CRACR2A: variants seen among roughly 807,000 people sequenced by gnomAD.
CRACR2A encodes the protein EF-hand calcium-binding domain-containing protein 4B.
In CRACR2A, 79 loss-of-function variants were observed where a neutral mutation model predicts 90.5. The ratio of observed to expected loss-of-function variants is 0.87; its 90% confidence interval spans 0.73 to 1.05. The LOEUF (loss-of-function observed/expected upper bound fraction) is 1.05. CRACR2A is among the 50% of genes least tolerant of loss of function. The probability of loss-of-function intolerance (pLI) is 0.00; values close to 1 mark genes in which losing one functional copy is unlikely to be tolerated. For missense variants in CRACR2A, 823 were observed against 897.2 expected (o/e 0.92, Z 1.06); for synonymous variants, 338 against 356.7 (o/e 0.95, Z 0.59).
intron 7 of CRACR2A, among the ~76,000 whole-genome samples, chr12:3,659,861 C>T (rs1944996175): frequency 6.6e-6 from 1 of 152,190 alleles, no homozygotes; most frequent in South Asian, 2.1e-4. Context: ...GCGAGACCTG[C>T]CCCTGCAACT....
rs765176107 is a variant in CRACR2A, at chr12:3,734,500, C to T, written c.-386-1290G>A. ...TCTAGGTATATGTCCGAAGGAAACACGATCAGTAGCTCAAAGTCATCTCCG... is the reference window on the plus strand; with the variant it reads ...TCTAGGTATATGTCCGAAGGAAACATGATCAGTAGCTCAAAGTCATCTCCG... On this transcript the variant is annotated intron_variant, in intron 1 of 19. Coordinates refer to ENST00000440314, the MANE Select transcript of CRACR2A (RefSeq NM_001144958.2). 3.9e-5 allele frequency among the ~76,000 whole-genome samples: 6 copies of T among 152,144 alleles called. No individual in the cohort carries two copies. The East Asian group carries it at 5.8e-4, about 15-fold the overall frequency.
chr12:3,696,731 T>C (rs1565493061), intron 4 of CRACR2A, 41 bp downstream of exon 4: 1 of 1,612,892 alleles, frequency 6.2e-7, no homozygotes, highest in Non-Finnish European at 8.5e-7. Flanking sequence ...GGAAGACATC[T>C]GGCATTCTCA....
At chr12:3,662,761 C>G (rs769553489) in intron 7 of CRACR2A, among the ~76,000 whole-genome samples, 7 of 152,228 alleles carry the variant, frequency 4.6e-5, no homozygotes, top group Non-Finnish European at 8.8e-5. Context: ...GAGCCTGTGT[C>G]TGCAGGAGCC....
intron 4 of CRACR2A, among the ~76,000 whole-genome samples, chr12:3,689,803 A>G (rs753185504): frequency 2.7e-5 from 4 of 146,202 alleles, no homozygotes; most frequent in African/African-American, 5.1e-5. Flanking sequence ...TTGGTAGGCT[A>G]TTTATTACTG....
chr12:3,696,780 C>A lies in CRACR2A; in HGVS notation c.220G>T (p.Asp74Tyr), dbSNP rs1347389538. Residue 74 changes from aspartate to tyrosine, a missense_variant, in exon 4 of 20, where the codon GAT becomes TAT. Asp to Tyr is a radical substitution (Grantham distance 160, BLOSUM62 -3). Transcript: ENST00000440314. ...CCTGGGACCCCACTTACCTGCATAT[C>A]CTTCCTGGCGATGAAGCCCTTGCCT... ...AEGKGFIARK[D>Y]MQRLHKELPL... 1.9e-6 allele frequency: 3 copies of A among 1,614,076 alleles called. No individual in the cohort carries two copies. Among genetic ancestry groups the A allele is most frequent in the Non-Finnish European group, 2.5e-6 (3 of 1,180,054 alleles).
chr12:3,743,493 G>A lies in CRACR2A; in HGVS notation c.-387+9522C>T, dbSNP rs530774771. Among the ~76,000 whole-genome samples, 115 of 152,284 alleles carry A rather than the reference G, an allele frequency of 7.6e-4. 2 individuals are homozygous for A. In the South Asian group the frequency reaches 0.018, roughly 24 times the overall value. On this transcript the variant is annotated intron_variant, in intron 1 of 19. Transcript: ENST00000440314. ...AGCAGACCCTGCAACCCAAGGGGTCGGCCCTTTGTAGGAAGCCAGTCAGGC... is the reference window on the plus strand; with the variant it reads ...AGCAGACCCTGCAACCCAAGGGGTCAGCCCTTTGTAGGAAGCCAGTCAGGC...
intron 8 of CRACR2A, among the ~76,000 whole-genome samples, chr12:3,657,435 G>C (rs1210021007): frequency 2.0e-5 from 3 of 152,222 alleles, no homozygotes; most frequent in Admixed American, 2.0e-4. Flanking sequence ...AGCAGCAGCA[G>C]CGCGGTGGGG....
chr12:3,709,181 T>G (rs1184741409), intron 3 of CRACR2A, among the ~76,000 whole-genome samples: 4 of 152,208 alleles, frequency 2.6e-5, no homozygotes, highest in African/African-American at 9.6e-5. Flanking sequence ...CAAACAACTC[T>G]CAGAGCGGTC....
At chr12:3,620,500 C>A (rs998480571) in intron 17 of CRACR2A, among the ~76,000 whole-genome samples, 12 of 152,160 alleles carry the variant, frequency 7.9e-5, no homozygotes, top group Non-Finnish European at 1.5e-4. Context: ...TGAAATTAAG[C>A]CTCAATGTTT....
chr12:3,623,556 A>C (rs1368836610), intron 17 of CRACR2A, among the ~76,000 whole-genome samples: 1 of 152,178 alleles, frequency 6.6e-6, no homozygotes. Flanking sequence ...AGTTTGTCCC[A>C]TGGCCACACG....
At chr12:3,668,865 A>G (rs967737685) in intron 7 of CRACR2A, among the ~76,000 whole-genome samples, 2 of 152,198 alleles carry the variant, frequency 1.3e-5, no homozygotes, top group African/African-American at 4.8e-5. Context: ...AAAGTGCCTG[A>G]GGTCTGATTC....
At chr12:3,615,528 G>T in intron 19 of CRACR2A, 89 bp from the exon 20 acceptor site, 1 of 1,130,254 alleles carries the variant, frequency 8.8e-7, no homozygotes, top group South Asian at 1.5e-5. Context: ...CAGGTTACAG[G>T]TCATCTGGGC....
intron 17 of CRACR2A, among the ~76,000 whole-genome samples, chr12:3,627,088 C>T (rs933284191): frequency 1.3e-5 from 2 of 152,166 alleles, no homozygotes; most frequent in African/African-American, 4.8e-5. Context: ...ACACTGATTT[C>T]TCCAGGACCC....
chr12:3,648,618 G>A lies in CRACR2A; in HGVS notation c.1047-5C>T, dbSNP rs1242516140. 4 of 1,611,458 alleles carry A rather than the reference G, an allele frequency of 2.5e-6. No homozygotes were observed. Among genetic ancestry groups the A allele is most frequent in the Non-Finnish European group, 3.4e-6 (4 of 1,178,136 alleles). On this transcript the variant is annotated splice_region_variant and splice_polypyrimidine_tract_variant and intron_variant, in intron 10 of 19. Transcript: ENST00000440314. ...TCCGTCACACGGTACACTTCCCTGA[G>A]GAGGAGGCAAACACATGGCAGTGAG...
rs777617652 is a variant in CRACR2A at position 3,681,383 on chromosome 12, G to A, written c.229-1034C>T. Among the ~76,000 whole-genome samples, 50 of 152,342 alleles carry A rather than the reference G, an allele frequency of 3.3e-4. 2 individuals are homozygous for A. Among genetic ancestry groups the A allele is most frequent in the Non-Finnish European group, 5.4e-4 (37 of 68,032 alleles). On this transcript the variant is annotated intron_variant, in intron 4 of 19. Coordinates refer to ENST00000440314, the MANE Select transcript of CRACR2A (RefSeq NM_001144958.2). The stretch of plus-strand genomic sequence containing the variant: ...GGTTATCGCTGGATTTGAGTCTAGA[G>A]CAGACTCAGACCTCATAAGGAGGGA...
In CRACR2A at chr12:3,715,892, A is replaced by G. The variant is rs180798969; in HGVS notation, c.-117-2575T>C. ...GAAGAAAAATGAGTGCCCTTTAAAG[A>G]TTTAAGATTAGAAAACAAAAAGAAG... On this transcript the variant is annotated intron_variant, in intron 2 of 19. Coordinates refer to ENST00000440314, the MANE Select transcript of CRACR2A (RefSeq NM_001144958.2). 5.2e-3 allele frequency among the ~76,000 whole-genome samples: 790 copies of G among 152,218 alleles called. 5 individuals are homozygous for G. Among genetic ancestry groups the G allele is most frequent in the Non-Finnish European group, 6.2e-3 (422 of 68,012 alleles).
intron 12 of CRACR2A, among the ~76,000 whole-genome samples, chr12:3,643,856 T>TATATATA (rs1478137267): frequency 1.5e-5 from 1 of 67,354 alleles, no homozygotes; most frequent in Non-Finnish European, 2.5e-5. Flanking sequence ...TATTATATAT[T>TATATATA]TATATTATAT....
intron 3 of CRACR2A, among the ~76,000 whole-genome samples, chr12:3,710,248 A>T (rs1273339175): frequency 6.6e-6 from 1 of 152,150 alleles, no homozygotes; most frequent in Non-Finnish European, 1.5e-5. Flanking sequence ...ATCTTCAAAT[A>T]TATAGCTCAG....
rs570698290 is a variant in CRACR2A, at chr12:3,745,617, T to G, written c.-387+7398A>C. 3.3e-5 allele frequency among the ~76,000 whole-genome samples: 5 copies of G among 151,522 alleles called. No homozygotes were observed. The East Asian group carries it at 9.8e-4, about 30-fold the overall frequency. On this transcript the variant is annotated intron_variant, in intron 1 of 19. Coordinates refer to ENST00000440314, the MANE Select transcript of CRACR2A (RefSeq NM_001144958.2). Reference sequence around the variant, plus strand: ...GGAGAAACCCCGTCTCTACTAAAAATACAAAAATTAGCCAGGCATGGTGGT... The same window carrying G: ...GGAGAAACCCCGTCTCTACTAAAAAGACAAAAATTAGCCAGGCATGGTGGT...
Sources: allele counts gnomAD v4.1 joint callset (sites outside exome capture counted in the v4.1 genomes callset), GRCh38; gene constraint gnomAD v4.1.1; transcripts MANE v1.5; gene names NCBI Gene and HGNC (gene_info 2026-07-23, HGNC 2026-07-21).